The following CFAP221 variants were observed in gnomAD, a reference collection of about 807,000 sequenced individuals.
The protein encoded by CFAP221 is cilia- and flagella-associated protein 221.
Under a neutral mutation model 113.1 loss-of-function variants are expected in CFAP221, and 97 were observed. The ratio of observed to expected loss-of-function variants is 0.86; its 90% CI spans 0.73 to 1.02. The LOEUF (loss-of-function observed/expected upper bound fraction) is 1.02. CFAP221 is among the 50% of genes least tolerant of loss of function. The pLI is 0.00. For missense variants in CFAP221, 1,025 were observed against 1,013.4 expected, an observed-to-expected ratio of 1.01 and a Z score of -0.16; for synonymous variants, 331 against 354.4, an observed-to-expected ratio of 0.93 and a Z score of 0.74.
chr2:119,645,390 C>G (rs1687740190), intron 21 of CFAP221, among the ~76,000 whole-genome samples: 1 of 151,692 alleles, frequency 6.6e-6, no homozygotes, highest in Non-Finnish European at 1.5e-5. Context: ...TGTATCCTTC[C>G]TGTGTTTCTC....
chr2:119,597,252 G>A (rs1005547955), intron 7 of CFAP221, among the ~76,000 whole-genome samples: 22 of 152,204 alleles, frequency 1.4e-4, no homozygotes, highest in South Asian at 6.2e-4. Flanking sequence ...GTAGCCAAGC[G>A]GAGTTACACA....
intron 6 of CFAP221, among the ~76,000 whole-genome samples, chr2:119,563,878 C>T (rs1470936419): frequency 6.6e-6 from 1 of 152,140 alleles, no homozygotes. Flanking sequence ...AGGATGGCAC[C>T]GCAGGCAGAG....
chr2:119,638,140 A>C lies in CFAP221; in HGVS notation c.1975-119A>C, dbSNP rs757962072. 1.0e-5 allele frequency: 10 copies of C among 1,004,470 alleles called. No individual in the cohort carries two copies. In the South Asian group the frequency reaches 1.7e-4, roughly 17 times the overall value. 62.2% of individuals were successfully genotyped at this position (1,004,470 alleles called of 1,614,324 possible). On this transcript the variant is annotated intron_variant, in intron 19 of 23. Coordinates refer to ENST00000413369, the MANE Select transcript of CFAP221 (RefSeq NM_001271049.2). ...GCTTCTCTTTTCCAGACAAGCTGAC[A>C]TGGAGTCACAGAGTGTTAGTGCTAG...
At chr2:119,632,778 G>GA (rs1216689292) in intron 19 of CFAP221, among the ~76,000 whole-genome samples, 7 of 149,712 alleles carry the variant, frequency 4.7e-5, no homozygotes, top group African/African-American at 1.2e-4. Flanking sequence ...ATTAATAAGG[G>GA]AATTTAACAA....
At chr2:119,639,648 A>G in intron 20 of CFAP221, 133 bp from the exon 21 acceptor site, 1 of 694,782 alleles carries the variant, frequency 1.4e-6, no homozygotes. Context: ...CTTCAGAAAA[A>G]TTCAAACTGA....
intron 22 of CFAP221, among the ~76,000 whole-genome samples, chr2:119,650,950 A>G (rs936830588): frequency 1.3e-5 from 2 of 152,276 alleles, no homozygotes; most frequent in Non-Finnish European, 1.5e-5. Flanking sequence ...TTGCCCTTTG[A>G]TGATCTTGGA....
At chr2:119,601,402 G>A (rs1300701150) in intron 8 of CFAP221, 25 bp downstream of exon 8, 1 of 1,476,336 alleles carries the variant, frequency 6.8e-7, no homozygotes, top group African/African-American at 1.4e-5. Context: ...CAGTGTTTTT[G>A]TTTATTTTTA....
intron 21 of CFAP221, among the ~76,000 whole-genome samples, chr2:119,644,833 A>G (rs1053527948): frequency 2.0e-5 from 3 of 152,166 alleles, no homozygotes; most frequent in Admixed American, 2.0e-4. Flanking sequence ...CTTGCTTTCC[A>G]CCATTCCATA....
In CFAP221 at chr2:119,549,083, A is replaced by G; in HGVS notation, c.140-2A>G. ...ATGTGCTTATCTACATTGTTTTTAT[A>G]GAGGTTTATGCAAAACTTGTGAATA... On this transcript the variant is annotated splice_acceptor_variant, in intron 2 of 23. Transcript: ENST00000413369. LOFTEE classifies it high-confidence loss of function. 6.6e-7 allele frequency: 1 copy of G among 1,514,452 alleles called. No homozygotes were observed. Among genetic ancestry groups the G allele is most frequent in the Admixed American group, 2.1e-5 (1 of 46,620 alleles). The allele number at this position is 1,514,452 out of a possible 1,614,324, so 93.8% of individuals were successfully genotyped here.
intron 8 of CFAP221, 124 bp from the exon 9 acceptor site, chr2:119,604,548 A>G (rs1684590761): frequency 1.1e-6 from 1 of 880,168 alleles, no homozygotes; most frequent in South Asian, 2.8e-5. Context: ...TGGGGCACAC[A>G]TTTATTTTCA....
chr2:119,570,172 T>C (rs1477287816), intron 6 of CFAP221, among the ~76,000 whole-genome samples: 1 of 152,214 alleles, frequency 6.6e-6, no homozygotes, highest in Non-Finnish European at 1.5e-5. Flanking sequence ...AGTCTCAGTC[T>C]CTTAGTGAGC....
At chr2:119,630,515 A>T in intron 17 of CFAP221, 55 bp from the exon 18 acceptor site, 1 of 1,351,596 alleles carries the variant, frequency 7.4e-7, no homozygotes, top group Non-Finnish European at 1.1e-6. Flanking sequence ...TGAGAAGTAG[A>T]TCCCACCAAA....
intron 21 of CFAP221, among the ~76,000 whole-genome samples, chr2:119,645,392 G>A (rs569351332): frequency 3.3e-5 from 5 of 151,432 alleles, no homozygotes; most frequent in Admixed American, 2.6e-4. Flanking sequence ...TATCCTTCCT[G>A]TGTTTCTCTT....
intron 7 of CFAP221, among the ~76,000 whole-genome samples, chr2:119,598,989 C>G (rs1467742947): frequency 6.6e-6 from 1 of 152,156 alleles, no homozygotes; most frequent in African/African-American, 2.4e-5. Context: ...GGGCTATTTT[C>G]TGACCAAGTG....
chr2:119,639,677 G>A (rs1687359400), intron 20 of CFAP221, 104 bp from the exon 21 acceptor site: 3 of 853,762 alleles, frequency 3.5e-6, no homozygotes, highest in African/African-American at 1.7e-5. Flanking sequence ...ACAGATTTTG[G>A]TGCTTAGCCT....
intron 19 of CFAP221, among the ~76,000 whole-genome samples, chr2:119,637,082 A>G (rs962587184): frequency 6.6e-6 from 1 of 152,106 alleles, no homozygotes; most frequent in East Asian, 1.9e-4. Flanking sequence ...CCCACTCCCC[A>G]TCACACTGCC....
intron 21 of CFAP221, among the ~76,000 whole-genome samples, chr2:119,643,822 G>T (rs1213499902): frequency 6.6e-6 from 1 of 152,156 alleles, no homozygotes; most frequent in East Asian, 2.0e-4. Context: ...TGGGATTACA[G>T]GCGTGAGCCA....
chr2:119,569,755 C>T (rs868794655), intron 6 of CFAP221, among the ~76,000 whole-genome samples: 10 of 152,234 alleles, frequency 6.6e-5, no homozygotes, highest in Middle Eastern at 3.4e-3. Flanking sequence ...CTCAGAGATT[C>T]TCTCCTTAGC....
chr2:119,567,775 G>C (rs189770079), intron 6 of CFAP221, among the ~76,000 whole-genome samples: 1 of 152,330 alleles, frequency 6.6e-6, no homozygotes, highest in Non-Finnish European at 1.5e-5. Flanking sequence ...GATGTTCACA[G>C]TGATTACTGA....
Sources: allele counts gnomAD v4.1 joint callset (sites outside exome capture counted in the v4.1 genomes callset), GRCh38; gene constraint gnomAD v4.1.1; transcripts MANE v1.5; gene names NCBI Gene and HGNC (gene_info 2026-07-23, HGNC 2026-07-21).